CHSY3: variants seen among roughly 807,000 people sequenced by gnomAD.
CHSY3 encodes the protein N-acetylgalactosaminyl-proteoglycan 3-beta-glucuronosyltransferase 3.
CHSY3 carries 35 observed loss-of-function variants against 67.2 expected under a neutral mutation model. The observed-to-expected ratio is 0.52, with a 90% CI of 0.40 to 0.69. The LOEUF (loss-of-function observed/expected upper bound fraction) is 0.69. Ranked by LOEUF, CHSY3 falls within the 30% of genes least tolerant of loss-of-function variation. The pLI is 0.00. For synonymous variants in CHSY3, 474 were observed against 434.7 expected, an observed-to-expected ratio of 1.09 and a Z score of -1.12; for missense variants, 1,069 against 1,138.5, an observed-to-expected ratio of 0.94 and a Z score of 0.88.
At chr5:129,965,757 G>A (rs576807375) in intron 2 of CHSY3, among the ~76,000 whole-genome samples, 1 of 151,804 alleles carries the variant, frequency 6.6e-6, no homozygotes, top group Non-Finnish European at 1.5e-5. Context: ...TGCAGCAATA[G>A]GAAAGAAATT....
At chr5:130,033,093 T>C (rs1764748225) in intron 2 of CHSY3, among the ~76,000 whole-genome samples, 1 of 152,186 alleles carries the variant, frequency 6.6e-6, no homozygotes, top group Non-Finnish European at 1.5e-5. Context: ...CCCACACTCC[T>C]CACAGATGGA....
chr5:130,087,554 G>C (rs1766694482), intron 2 of CHSY3, among the ~76,000 whole-genome samples: 1 of 151,306 alleles, frequency 6.6e-6, no homozygotes, highest in Non-Finnish European at 1.5e-5. Flanking sequence ...AAAATCACAA[G>C]CATTCTTATA....
chr5:130,046,233 A>G (rs1273907250), intron 2 of CHSY3, among the ~76,000 whole-genome samples: 2 of 152,164 alleles, frequency 1.3e-5, no homozygotes, highest in African/African-American at 2.4e-5. Flanking sequence ...TTAGGAAGCC[A>G]TGTAGCATAC....
In CHSY3 at chr5:129,904,698, G is replaced by C. The variant is rs1760163822; in HGVS notation, c.-132G>C. 2 of 1,209,798 alleles carry C rather than the reference G, an allele frequency of 1.7e-6. No homozygotes were observed. The highest frequency in any genetic ancestry group is 1.6e-5 in the African/African-American group (1 of 63,464). 74.9% of individuals were successfully genotyped at this position (1,209,798 alleles called of 1,614,324 possible). ...TCCGCGGCGCTTCGACCTCCAGCCG[G>C]TGTCGGCGCCTAGGCGGCCGGCTGC... On this transcript the variant is annotated 5_prime_UTR_variant, in exon 1 of 3. Transcript: ENST00000305031.
chr5:130,178,820 T>G (rs1435247659), intron 2 of CHSY3, among the ~76,000 whole-genome samples: 1 of 152,224 alleles, frequency 6.6e-6, no homozygotes, highest in Non-Finnish European at 1.5e-5. Flanking sequence ...CATTACTTTT[T>G]TGCTCAGAGA....
chr5:130,079,955 T>A (rs1766393131), intron 2 of CHSY3, among the ~76,000 whole-genome samples: 2 of 151,918 alleles, frequency 1.3e-5, no homozygotes, highest in Admixed American at 1.3e-4. Flanking sequence ...ACATTGTTTT[T>A]TTGTTTGTTT....
intron 2 of CHSY3, among the ~76,000 whole-genome samples, chr5:129,939,036 T>C (rs1025020556): frequency 1.3e-5 from 2 of 152,196 alleles, no homozygotes; most frequent in Non-Finnish European, 2.9e-5. Flanking sequence ...TTTTATTGGC[T>C]CACAGTTCTG....
chr5:130,142,853 C>T lies in CHSY3; in HGVS notation c.1087-41376C>T, dbSNP rs148906528. ...AGAAAATAGGGCAGAGTCAAAATCCCATATGGGTGATCTTGAAGATTTCCC... is the reference window on the plus strand; with the variant it reads ...AGAAAATAGGGCAGAGTCAAAATCCTATATGGGTGATCTTGAAGATTTCCC... On this transcript the variant is annotated intron_variant, in intron 2 of 2. Transcript: ENST00000305031. Among the ~76,000 whole-genome samples the T allele has an allele frequency of 2.6e-3, 389 of 152,208 alleles. 3 individuals carry two copies. Among genetic ancestry groups the T allele is most frequent in the African/African-American group, 8.9e-3 (368 of 41,550 alleles).
chr5:130,114,091 C>CATT (rs1195455448), intron 2 of CHSY3, among the ~76,000 whole-genome samples: 6 of 152,198 alleles, frequency 3.9e-5, no homozygotes, highest in Admixed American at 3.9e-4. Context: ...GTTTTTATTA[C>CATT]ATTATTATTA....
At chr5:129,989,207 C>T (rs1763287143) in intron 2 of CHSY3, among the ~76,000 whole-genome samples, 1 of 151,770 alleles carries the variant, frequency 6.6e-6, no homozygotes, top group Admixed American at 6.6e-5. Flanking sequence ...ACAGGGTCAT[C>T]CCATAGAGGA....
intron 2 of CHSY3, among the ~76,000 whole-genome samples, chr5:129,976,002 A>C (rs1762795566): frequency 6.6e-6 from 1 of 152,112 alleles, no homozygotes; most frequent in Non-Finnish European, 1.5e-5. Flanking sequence ...AGCTGTTCTG[A>C]CCACATTCTG....
intron 2 of CHSY3, among the ~76,000 whole-genome samples, chr5:130,129,414 T>G (rs1443502031): frequency 6.6e-6 from 1 of 152,168 alleles, no homozygotes; most frequent in Non-Finnish European, 1.5e-5. Context: ...GGTGAGCAAC[T>G]GGATCACTTA....
At chr5:129,931,686 G>A (rs1362364228) in intron 2 of CHSY3, among the ~76,000 whole-genome samples, 6 of 151,976 alleles carry the variant, frequency 3.9e-5, no homozygotes, top group Non-Finnish European at 7.4e-5. Context: ...TTTTTACTCT[G>A]CCTTTTCTTC....
At chr5:130,000,838 A>G (rs1252577574) in intron 2 of CHSY3, among the ~76,000 whole-genome samples, 6 of 133,394 alleles carry the variant, frequency 4.5e-5, no homozygotes, top group South Asian at 2.4e-4. Flanking sequence ...TGACCTCCCA[A>G]AGTGCTGGGA....
intron 2 of CHSY3, among the ~76,000 whole-genome samples, chr5:129,925,911 A>C (rs956386307): frequency 2.0e-5 from 3 of 152,090 alleles, no homozygotes; most frequent in Non-Finnish European, 4.4e-5. Context: ...GCATGTATAT[A>C]TATATGCATT....
intron 2 of CHSY3, among the ~76,000 whole-genome samples, chr5:130,159,949 G>T (rs541559103): frequency 4.6e-5 from 7 of 151,312 alleles, no homozygotes; most frequent in South Asian, 2.1e-4. Context: ...ATTTTTTTTT[G>T]AAGAAAATCA....
At chr5:130,061,744 A>C (rs1170935523) in intron 2 of CHSY3, among the ~76,000 whole-genome samples, 1 of 152,120 alleles carries the variant, frequency 6.6e-6, no homozygotes, top group Non-Finnish European at 1.5e-5. Flanking sequence ...GGCAAAGGAC[A>C]TGAAGAGTCA....
At chr5:130,108,895 A>G (rs1166587596) in intron 2 of CHSY3, among the ~76,000 whole-genome samples, 1 of 151,734 alleles carries the variant, frequency 6.6e-6, no homozygotes, top group African/African-American at 2.4e-5. Flanking sequence ...TATTAAATAT[A>G]AGGCAAATAC....
chr5:130,051,199 T>C (rs1366722093), intron 2 of CHSY3, among the ~76,000 whole-genome samples: 1 of 152,042 alleles, frequency 6.6e-6, no homozygotes, highest in Non-Finnish European at 1.5e-5. Flanking sequence ...TGGGCGTGCA[T>C]GGAGGGAAAC....
Sources: allele counts gnomAD v4.1 joint callset (sites outside exome capture counted in the v4.1 genomes callset), GRCh38; gene constraint gnomAD v4.1.1; transcripts MANE v1.5; gene names NCBI Gene and HGNC (gene_info 2026-07-23, HGNC 2026-07-21).